Variants in MAST1 observed in about 807,000 individuals in gnomAD.
MAST1 encodes microtubule-associated serine/threonine-protein kinase 1.
MAST1 carries 40 observed loss-of-function variants against 124.6 expected under a neutral mutation model. That is an observed-to-expected ratio of 0.32 (90% confidence interval 0.25 to 0.42). The LOEUF (loss-of-function observed/expected upper bound fraction) is 0.42, where lower values mean the gene tolerates loss of function less well. MAST1 is among the 10% of genes least tolerant of loss of function. The pLI is 1.00. For missense variants in MAST1, 1,558 were observed against 2,181.9 expected (o/e 0.71, Z 5.70); for synonymous variants, 938 against 939.4 (o/e 1.00, Z 0.03).
At chr19:12,858,274 C>A in intron 10 of MAST1, 88 bp from the exon 11 acceptor site, 1 of 1,162,922 alleles carries the variant, frequency 8.6e-7, no homozygotes, top group Non-Finnish European at 1.2e-6. Flanking sequence ...TCATTCTGTG[C>A]CTCAGTTTCC....
chr19:12,839,727 G>T (rs1288585669), intron 1 of MAST1, among the ~76,000 whole-genome samples: 1 of 152,088 alleles, frequency 6.6e-6, no homozygotes, highest in African/African-American at 2.4e-5. Flanking sequence ...GCCACACAAA[G>T]ACATAGATAC....
intron 18 of MAST1, 147 bp from the exon 19 acceptor site, chr19:12,867,327 T>C: frequency 1.1e-6 from 1 of 870,464 alleles, no homozygotes; most frequent in South Asian, 1.6e-5. Flanking sequence ...ACTGAAGAAT[T>C]GTAGGTTGGG....
chr19:12,843,329 G>T lies in MAST1; in HGVS notation c.249-200G>T, dbSNP rs1165983976. Among the ~76,000 whole-genome samples the T allele has an allele frequency of 1.3e-5, 2 of 152,008 alleles. No individual in the cohort carries two copies. Among genetic ancestry groups the T allele is most frequent in the African/African-American group, 4.8e-5 (2 of 41,362 alleles). On this transcript the variant is annotated intron_variant, in intron 3 of 25. Transcript: ENST00000251472. This position sits in a 1 kb window ranked among gnomAD's most constrained non-coding sequence, Gnocchi z 4.9. ...GACCGTGGGGAGGAGAGTGGAGACG[G>T]ATCCTCCCTCCAATTCCCGGTGCCT... is the stretch of plus-strand genomic sequence containing the variant.
rs773764996 is a variant in MAST1 at position 12,874,860 on chromosome 19, C to T, written c.4703C>T (p.Pro1568Leu). The T allele has an allele frequency of 4.1e-5, 66 of 1,598,294 alleles. No individual in the cohort carries two copies. The highest frequency in any genetic ancestry group is 3.3e-4 in the Middle Eastern group (2 of 6,036). ...TKKGVSSPAPPGP is the reference protein window; with the variant it reads ...TKKGVSSPAPLGP The stretch of plus-strand genomic sequence containing the variant: ...AAAGGAGTGTCCAGTCCCGCACCCC[C>T]GGGACCATAGCCAAGGGGGTCATCG... The change falls in exon 26 of 26, where the codon CCG becomes CTG. Residue 1568 changes from proline (P) to leucine (L), a missense_variant. By Grantham distance (98) the Pro-to-Leu change is moderately conservative. Transcript: ENST00000251472. This position sits in a 1 kb window ranked among gnomAD's most constrained non-coding sequence, Gnocchi z 6.6.
chr19:12,846,416 G>T (rs1431226026), intron 4 of MAST1, among the ~76,000 whole-genome samples: 1 of 151,924 alleles, frequency 6.6e-6, no homozygotes, highest in Non-Finnish European at 1.5e-5. Flanking sequence ...GTAGGGATAG[G>T]GAATAATGGG....
intron 12 of MAST1, among the ~76,000 whole-genome samples, chr19:12,862,085 G>T (rs920687620): frequency 1.3e-5 from 2 of 148,864 alleles, no homozygotes; most frequent in African/African-American, 5.0e-5. Flanking sequence ...GATTACTGCA[G>T]CCTCCGTCTC....
intron 4 of MAST1, among the ~76,000 whole-genome samples, chr19:12,844,122 C>T (rs1858716438): frequency 6.6e-6 from 1 of 152,200 alleles, no homozygotes; most frequent in East Asian, 1.9e-4. Flanking sequence ...GCCCTCAACA[C>T]ATTTCTGGGA....
In MAST1 at chr19:12,852,061, G is replaced by C. The variant is rs573862959; in HGVS notation, c.876+26G>C. 5 of 1,613,892 alleles carry C rather than the reference G, an allele frequency of 3.1e-6. No individual in the cohort carries two copies. In the Admixed American group the frequency reaches 5.0e-5, roughly 16 times the overall value. ...GTGAGGGGGCTGGGCATGGGTAGGG[G>C]TGGGTTGGTAGACCCTGGGAGCCTG... On this transcript the variant is annotated intron_variant, in intron 8 of 25. Transcript: ENST00000251472.
chr19:12,849,434 C>T (rs1234101069), intron 7 of MAST1, among the ~76,000 whole-genome samples: 10 of 151,970 alleles, frequency 6.6e-5, no homozygotes, highest in Non-Finnish European at 1.3e-4. Flanking sequence ...GAGGCTGAGG[C>T]GAGCAGATCA....
chr19:12,864,787 G>A, intron 12 of MAST1, 22 bp from the exon 13 acceptor site: 2 of 1,612,780 alleles, frequency 1.2e-6, no homozygotes, highest in Non-Finnish European at 1.7e-6. Context: ...CTTTTTATGC[G>A]GGCCCATTTC....
rs981985772 is a variant in MAST1 at position 12,859,882 on chromosome 19, G to GT, written c.1366+1149dup. On this transcript the variant is annotated intron_variant, in intron 12 of 25. Transcript: ENST00000251472. ...TTGTTTTTTTTTGTTCGTTTGTTTT[G>GT]TTTTTTATGCAGTCTCCCTGTATTG... 1.8e-3 allele frequency among the ~76,000 whole-genome samples: 229 copies of GT among 127,880 alleles called. 1 individual carries two copies. Among genetic ancestry groups the GT allele is most frequent in the African/African-American group, 6.4e-3 (221 of 34,300 alleles). 83.9% of individuals were successfully genotyped at this position (127,880 alleles called of 152,430 possible).
intron 18 of MAST1, 46 bp from the exon 19 acceptor site, chr19:12,867,428 T>C (rs545353753): frequency 6.2e-7 from 1 of 1,606,008 alleles, no homozygotes; most frequent in African/African-American, 1.3e-5. Flanking sequence ...AGCTCCGGAG[T>C]GAAAGTGGAA....
chr19:12,873,658 T>G lies in MAST1; in HGVS notation c.3501T>G (p.Pro1167=). ...SSPASSTPNS[P]ASSASHHIRP... ...CAGCCTCGAGCACGCCCAACTCGCC[T>G]GCGTCGTCGGCGTCGCACCACATTC... The change falls in exon 26 of 26, where the codon CCT becomes CCG. Residue 1167 remains proline (P), a synonymous_variant. Transcript: ENST00000251472. 1 of 1,597,142 alleles carries G rather than the reference T, an allele frequency of 6.3e-7. No individual in the cohort carries two copies. The highest frequency in any genetic ancestry group is 8.5e-7 in the Non-Finnish European group (1 of 1,175,706).
chr19:12,839,533 G>C (rs1180782109), intron 1 of MAST1, among the ~76,000 whole-genome samples: 1 of 152,216 alleles, frequency 6.6e-6, no homozygotes, highest in Non-Finnish European at 1.5e-5. Context: ...TGCAGAGACA[G>C]AACCACGCAA....
chr19:12,856,304 CTT>C (rs201548961), intron 10 of MAST1, among the ~76,000 whole-genome samples: 32 of 139,088 alleles, frequency 2.3e-4, no homozygotes, highest in Admixed American at 3.7e-4. Flanking sequence ...TATTTTGCCA[CTT>C]TTTTTTTTTT....
In MAST1 at chr19:12,874,695, C is replaced by A. The variant is rs759181407; in HGVS notation, c.4538C>A (p.Ala1513Asp). The change falls in exon 26 of 26, where the codon GCC becomes GAC. Residue 1513 changes from alanine (A) to aspartate (D), a missense_variant. By Grantham distance (126) the Ala-to-Asp change is moderately radical (BLOSUM62 -2). Coordinates refer to ENST00000251472, the MANE Select transcript of MAST1 (RefSeq NM_014975.3). The surrounding 1 kb of genome is among the most constrained non-coding windows in gnomAD (Gnocchi z 6.6). ...LSPEPQTPSL[A>D]PAKCSAPSSA... Reference sequence around the variant, plus strand: ...CCGGAGCCCCAGACACCCTCCCTAGCCCCAGCGAAGTGCAGTGCACCCAGC... The same window carrying A: ...CCGGAGCCCCAGACACCCTCCCTAGACCCAGCGAAGTGCAGTGCACCCAGC... 1 of 1,569,786 alleles carries A rather than the reference C, an allele frequency of 6.4e-7. No homozygotes were observed. The highest frequency in any genetic ancestry group is 1.2e-5 in the South Asian group (1 of 85,698).
At chr19:12,860,953 G>A (rs1423193519) in intron 12 of MAST1, among the ~76,000 whole-genome samples, 1 of 151,974 alleles carries the variant, frequency 6.6e-6, no homozygotes, top group Non-Finnish European at 1.5e-5. Context: ...TGTGCTAGGT[G>A]CCAGTGACAC....
intron 12 of MAST1, chr19:12,858,978 T>G (rs566645028): frequency 1.6e-4 from 97 of 596,992 alleles, no homozygotes; most frequent in Middle Eastern, 4.4e-4. Context: ...TGACCCATTA[T>G]CCATCCATCT....
chr19:12,840,123 G>A (rs1159687639), intron 1 of MAST1, among the ~76,000 whole-genome samples: 1 of 152,174 alleles, frequency 6.6e-6, no homozygotes, highest in African/African-American at 2.4e-5. Flanking sequence ...GATACCTACA[G>A]TGAATGTCAC....
Sources: gnomAD v4.1 joint callset for allele counts (sites outside exome capture counted in the v4.1 genomes callset) on GRCh38, gnomAD v4.1.1 for gene constraint, Gnocchi (gnomAD v3.1) non-coding constraint, MANE v1.5 for transcripts, NCBI Gene and HGNC (gene_info 2026-07-23, HGNC 2026-07-21) for gene names.